Variants in EYA4 observed in about 807,000 individuals in gnomAD.
The protein encoded by EYA4 is protein phosphatase EYA4.
EYA4 carries 31 observed loss-of-function variants against 87.9 expected under a neutral mutation model. The ratio of observed to expected loss-of-function variants is 0.35; its 90% CI spans 0.27 to 0.48. The LOEUF is 0.48. Among genes scored for constraint, EYA4 ranks in the 20% least tolerant of loss-of-function variants. The pLI is 0.99. For synonymous variants in EYA4, 263 were observed against 270.6 expected (o/e 0.97, Z 0.28); for missense variants, 678 against 761.4 (o/e 0.89, Z 1.29).
intron 2 of EYA4, among the ~76,000 whole-genome samples, chr6:133,299,951 CTATCTA>C (rs1324362050): frequency 2.3e-5 from 3 of 130,970 alleles, no homozygotes; most frequent in African/African-American, 6.4e-5. Flanking sequence ...ATCTATCTAT[CTATCTA>C]TATATATATA....
chr6:133,459,507 G>C (rs1794190542), intron 6 of EYA4, among the ~76,000 whole-genome samples: 1 of 152,076 alleles, frequency 6.6e-6, no homozygotes, highest in Non-Finnish European at 1.5e-5. Flanking sequence ...TATAGCCCAA[G>C]TCTTGAGTGT....
chr6:133,438,623 G>A (rs188076397), intron 3 of EYA4, among the ~76,000 whole-genome samples: 10 of 151,692 alleles, frequency 6.6e-5, no homozygotes, highest in East Asian at 1.9e-4. Context: ...TTCACAGGAC[G>A]CTGCTTTGTC....
intron 2 of EYA4, among the ~76,000 whole-genome samples, chr6:133,344,669 A>G (rs1273011637): frequency 6.6e-6 from 1 of 152,094 alleles, no homozygotes; most frequent in Non-Finnish European, 1.5e-5. Context: ...TATTTTATAC[A>G]TTATGCATTT....
At position 133,342,868 on chromosome 6, in the gene EYA4, G is replaced by T. The variant is rs1213780581; in HGVS notation, c.34-39524G>T. 2.6e-5 allele frequency among the ~76,000 whole-genome samples: 4 copies of T among 152,080 alleles called. No individual in the cohort carries two copies. The South Asian group carries it at 8.3e-4, about 32-fold the overall frequency. ...TGCAATATTTTAAAAATATGGTACA[G>T]ATTTGATTCCTAGGTATTTACTAAT... On this transcript the variant is annotated intron_variant, in intron 2 of 19. Coordinates refer to ENST00000355286, the MANE Select transcript of EYA4 (RefSeq NM_004100.5).
rs547147799 is a variant in EYA4 at position 133,450,464 on chromosome 6, T to C, written c.277+2285T>C. Among the ~76,000 whole-genome samples, 147 of 152,348 alleles carry C rather than the reference T, an allele frequency of 9.6e-4. 1 individual carries two copies. Among genetic ancestry groups the C allele is most frequent in the African/African-American group, 3.2e-3 (135 of 41,588 alleles). On this transcript the variant is annotated intron_variant, in intron 5 of 19. Transcript: ENST00000355286. ...AAAAGAAAAGAACTAATTTAATAGCTTTTCAAGATCATTCCAATAACTCGA... is the reference window on the plus strand; with the variant it reads ...AAAAGAAAAGAACTAATTTAATAGCCTTTCAAGATCATTCCAATAACTCGA...
chr6:133,522,183 T>C (rs1800236444), intron 17 of EYA4, among the ~76,000 whole-genome samples: 1 of 150,784 alleles, frequency 6.6e-6, no homozygotes, highest in Non-Finnish European at 1.5e-5. Flanking sequence ...TTTTTTTTTT[T>C]TAATTATACT....
At chr6:133,373,828 G>C (rs746398813) in intron 2 of EYA4, among the ~76,000 whole-genome samples, 1 of 152,024 alleles carries the variant, frequency 6.6e-6, no homozygotes. Flanking sequence ...TTTATGCATA[G>C]TATCAAGGCT....
intron 3 of EYA4, among the ~76,000 whole-genome samples, chr6:133,383,532 A>AAAAT (rs1436434491): frequency 6.7e-6 from 1 of 148,968 alleles, no homozygotes; most frequent in African/African-American, 2.5e-5. Context: ...AAAAAAAAAA[A>AAAAT]AAAAAAAAAA....
chr6:133,327,747 G>A (rs749873979), intron 2 of EYA4, among the ~76,000 whole-genome samples: 40 of 152,124 alleles, frequency 2.6e-4, no homozygotes, highest in African/African-American at 6.0e-4. Flanking sequence ...AGAAGTACAC[G>A]TAAGTGGAAT....
chr6:133,389,564 T>C (rs1171320489), intron 3 of EYA4, among the ~76,000 whole-genome samples: 1 of 152,202 alleles, frequency 6.6e-6, no homozygotes, highest in Non-Finnish European at 1.5e-5. Flanking sequence ...TGGCTTGCAA[T>C]TGCTCCTGGA....
At chr6:133,391,502 G>A (rs1449506898) in intron 3 of EYA4, among the ~76,000 whole-genome samples, 2 of 152,068 alleles carry the variant, frequency 1.3e-5, no homozygotes, top group African/African-American at 2.4e-5. Flanking sequence ...TTGCTTCACC[G>A]TTCTGTGTCT....
chr6:133,394,282 GTGTTT>G lies in EYA4; in HGVS notation c.83+11843_83+11847del, dbSNP rs1185069457. Among the ~76,000 whole-genome samples, 291 of 107,806 alleles carry G rather than the reference GTGTTT, an allele frequency of 2.7e-3. 14 individuals carry two copies. Among genetic ancestry groups the G allele is most frequent in the African/African-American group, 9.6e-3 (201 of 20,842 alleles). The allele number at this position is 107,806 out of a possible 152,430, so 70.7% of individuals were successfully genotyped here. A position where few individuals can be genotyped will look rare whatever the true frequency, so the allele number is the denominator to read the frequency against. On this transcript the variant is annotated intron_variant, in intron 3 of 19. Transcript: ENST00000355286. Reference sequence around the variant, plus strand: ...GTTGGAAAAATGTATATATAAGCTTGTGTTTTTTTTTTTTTTTTTTTTTTTTTTTT... The same window carrying G: ...GTTGGAAAAATGTATATATAAGCTTGTTTTTTTTTTTTTTTTTTTTTTTTT...
intron 3 of EYA4, among the ~76,000 whole-genome samples, chr6:133,408,443 G>C (rs1329663311): frequency 6.6e-6 from 1 of 152,034 alleles, no homozygotes; most frequent in East Asian, 1.9e-4. Context: ...CTGGTTCTTA[G>C]AATCTACGCA....
At chr6:133,431,525 A>G in intron 3 of EYA4, among the ~76,000 whole-genome samples, 1 of 152,210 alleles carries the variant, frequency 6.6e-6, no homozygotes, top group East Asian at 1.9e-4. Context: ...TCATATAGAA[A>G]TCATTCAGTT....
chr6:133,245,969 G>A (rs1774373965), intron 1 of EYA4, among the ~76,000 whole-genome samples: 1 of 152,096 alleles, frequency 6.6e-6, no homozygotes, highest in African/African-American at 2.4e-5. Flanking sequence ...TATTAGTAAA[G>A]AGATACTGAA....
intron 14 of EYA4, among the ~76,000 whole-genome samples, chr6:133,508,204 C>T (rs939011019): frequency 6.6e-6 from 1 of 151,964 alleles, no homozygotes; most frequent in Non-Finnish European, 1.5e-5. Context: ...CTGTTTAAAG[C>T]GGCATTCTTT....
chr6:133,499,162 A>G (rs1797891819), intron 13 of EYA4, among the ~76,000 whole-genome samples: 3 of 152,188 alleles, frequency 2.0e-5, no homozygotes, highest in Admixed American at 2.0e-4. Context: ...TATCTTGAGA[A>G]GGTGGGGGAT....
At chr6:133,249,689 C>T (rs1034403027) in intron 1 of EYA4, among the ~76,000 whole-genome samples, 1 of 152,154 alleles carries the variant, frequency 6.6e-6, no homozygotes. Context: ...TGGAAAACAT[C>T]GCCCCTCTCC....
At chr6:133,499,980 T>G (rs1399765784) in intron 13 of EYA4, among the ~76,000 whole-genome samples, 3 of 151,492 alleles carry the variant, frequency 2.0e-5, no homozygotes, top group Non-Finnish European at 4.4e-5. Context: ...TAGACCAGTA[T>G]TTATTCAAAA....
Sources: gnomAD v4.1 joint callset for allele counts (sites outside exome capture counted in the v4.1 genomes callset) on GRCh38, gnomAD v4.1.1 for gene constraint, MANE v1.5 for transcripts, NCBI Gene and HGNC (gene_info 2026-07-23, HGNC 2026-07-21) for gene names.